The following MAF variants were observed in gnomAD, a reference collection of about 807,000 sequenced individuals.
MAF encodes the protein MAF bZIP transcription factor.
A neutral mutation model predicts 22.0 loss-of-function variants in MAF; 10 were observed. The observed-to-expected ratio is 0.45, with a 90% CI of 0.28 to 0.77. MAF has a LOEUF of 0.77. MAF is among the 30% of genes least tolerant of loss of function. The pLI is 0.12. For synonymous variants in MAF, 337 were observed against 255.8 expected (o/e 1.32, Z -3.03); for missense variants, 544 against 548.4 (o/e 0.99, Z 0.08).
the MAF span, among the ~76,000 whole-genome samples, chr16:79,574,981 T>C: frequency 6.6e-6 from 1 of 152,046 alleles, no homozygotes; most frequent in Non-Finnish European, 1.5e-5. Context: ...GTTCTTCTAC[T>C]AGGAGTTCTC....
chr16:79,226,539 A>C, the MAF span, among the ~76,000 whole-genome samples: 40 of 152,092 alleles, frequency 2.6e-4, no homozygotes, highest in African/African-American at 9.7e-4. Flanking sequence ...AAAATTTAAA[A>C]ACAAAATGTT....
the MAF span, among the ~76,000 whole-genome samples, chr16:79,395,138 G>A: frequency 4.6e-5 from 7 of 152,234 alleles, no homozygotes; most frequent in Non-Finnish European, 7.3e-5. Context: ...AGCCCAGGTA[G>A]GAGGCCAAAG....
the MAF span, among the ~76,000 whole-genome samples, chr16:79,328,860 T>C: frequency 3.9e-5 from 6 of 152,204 alleles, no homozygotes; most frequent in African/African-American, 7.2e-5. Context: ...CTTTGGCTAG[T>C]TTTCTGCCAA....
chr16:79,555,578 G>C, the MAF span, among the ~76,000 whole-genome samples: 5 of 152,028 alleles, frequency 3.3e-5, no homozygotes, highest in African/African-American at 9.7e-5. Context: ...ATACAGGTCG[G>C]GTATCCCTAA....
At chr16:79,286,772 G>A in the MAF span, among the ~76,000 whole-genome samples, 13 of 152,138 alleles carry the variant, frequency 8.5e-5, no homozygotes, top group Middle Eastern at 3.2e-3. Flanking sequence ...TCACATGGCC[G>A]TATCCACAGG....
chr16:79,339,741 CT>C, the MAF span, among the ~76,000 whole-genome samples: 1 of 152,130 alleles, frequency 6.6e-6, no homozygotes, highest in African/African-American at 2.4e-5. Context: ...TTTGCAATTA[CT>C]TTTTACACAA....
chr16:79,332,082 A>T, the MAF span, among the ~76,000 whole-genome samples: 1 of 151,972 alleles, frequency 6.6e-6, no homozygotes, highest in Admixed American at 6.6e-5. Context: ...TCCTTAGCAC[A>T]TGTTAGGTAC....
At chr16:79,315,829 A>G in the MAF span, among the ~76,000 whole-genome samples, 1 of 152,252 alleles carries the variant, frequency 6.6e-6, no homozygotes. Flanking sequence ...CTTTTCATTA[A>G]TTAGGGAGAC....
chr16:79,364,604 C>A, the MAF span, among the ~76,000 whole-genome samples: 1 of 152,186 alleles, frequency 6.6e-6, no homozygotes, highest in Admixed American at 6.5e-5. Context: ...AACTACAAAT[C>A]ATGTAGCAAA....
chr16:79,538,037 G>A, the MAF span, among the ~76,000 whole-genome samples: 1 of 152,180 alleles, frequency 6.6e-6, no homozygotes, highest in Admixed American at 6.5e-5. Context: ...TGGCTGCAGA[G>A]TGCAGAGTGT....
chr16:79,433,979 C>G, the MAF span, among the ~76,000 whole-genome samples: 3 of 152,154 alleles, frequency 2.0e-5, no homozygotes, highest in Admixed American at 2.0e-4. Flanking sequence ...CAGGCCCCAC[C>G]ACATGTGGAG....
At chr16:79,349,615 G>A in the MAF span, among the ~76,000 whole-genome samples, 1 of 152,164 alleles carries the variant, frequency 6.6e-6, no homozygotes, top group African/African-American at 2.4e-5. Flanking sequence ...TCACCCAGAG[G>A]ATAGCTGCTG....
chr16:79,596,443 C>T (rs540754238), intron 1 of MAF: 27 of 1,054,396 alleles, frequency 2.6e-5, no homozygotes, highest in Non-Finnish European at 3.1e-5. Flanking sequence ...GTTGTTGGGC[C>T]CAGTTAAACT....
the MAF span, among the ~76,000 whole-genome samples, chr16:79,254,491 C>A: frequency 2.6e-5 from 4 of 152,132 alleles, no homozygotes; most frequent in South Asian, 4.1e-4. Context: ...TTTGTGAATA[C>A]ATGATTTTTA....
At chr16:79,217,265 G>T in the MAF span, among the ~76,000 whole-genome samples, 1 of 152,186 alleles carries the variant, frequency 6.6e-6, no homozygotes. Context: ...GCAGAGTCAG[G>T]ATGTGAAGCC....
chr16:79,328,302 T>C, the MAF span, among the ~76,000 whole-genome samples: 4 of 151,658 alleles, frequency 2.6e-5, no homozygotes, highest in African/African-American at 7.3e-5. Context: ...AAAAAAGAAA[T>C]CAGGTTCTGC....
chr16:79,567,057 C>T, the MAF span, among the ~76,000 whole-genome samples: 14 of 152,336 alleles, frequency 9.2e-5, no homozygotes, highest in African/African-American at 2.6e-4. Flanking sequence ...TGGTGGCTCA[C>T]GCCTGTAATG....
the MAF span, among the ~76,000 whole-genome samples, chr16:79,372,441 C>T: frequency 1.3e-5 from 2 of 152,138 alleles, no homozygotes; most frequent in African/African-American, 2.4e-5. Flanking sequence ...ACCAGCTCGA[C>T]AAAAGGCCAA....
chr16:79,243,172 C>G, the MAF span, among the ~76,000 whole-genome samples: 1 of 151,728 alleles, frequency 6.6e-6, no homozygotes, highest in East Asian at 1.9e-4. Flanking sequence ...AATTAAAAAG[C>G]TAGCAGAAAA....
Sources: allele counts gnomAD v4.1 joint callset (sites outside exome capture counted in the v4.1 genomes callset), GRCh38; gene constraint gnomAD v4.1.1; transcripts MANE v1.5; gene names NCBI Gene and HGNC (gene_info 2026-07-23, HGNC 2026-07-21).